NXPH2: variants seen among roughly 807,000 people sequenced by gnomAD.
The protein encoded by NXPH2 is neurexophilin 2, also known as neurexophilin-2.
A neutral mutation model predicts 19.8 loss-of-function variants in NXPH2; 5 were observed. The observed-to-expected ratio is 0.25, with a 90% CI of 0.13 to 0.53. The LOEUF (loss-of-function observed/expected upper bound fraction) is 0.53. NXPH2 is among the 20% of genes least tolerant of loss of function. NXPH2 has a pLI of 0.96. For synonymous variants in NXPH2, 154 were observed against 127.4 expected, an observed-to-expected ratio of 1.21 and a Z score of -1.41; for missense variants, 289 against 322.8, an observed-to-expected ratio of 0.90 and a Z score of 0.80.
chr2:138,674,488 G>A (rs1376182730), intron 1 of NXPH2, among the ~76,000 whole-genome samples: 4 of 152,062 alleles, frequency 2.6e-5, no homozygotes, highest in East Asian at 1.9e-4. Flanking sequence ...GTCTTGTTAT[G>A]TTGCCCAGGC....
Position 138,777,314 on chromosome 2 carries a change from T to C in NXPH2, c.51+2877A>G, listed in dbSNP as rs184704543. 3.9e-4 allele frequency among the ~76,000 whole-genome samples: 59 copies of C among 152,200 alleles called. 1 individual carries two copies. Among genetic ancestry groups the C allele is most frequent in the Non-Finnish European group, 3.2e-4 (22 of 67,970 alleles). ...TCTTAATATTCTTTATAAGAGTATG[T>C]TGCTGAATAAGAATTTTTAAAAAAG... On this transcript the variant is annotated intron_variant, in intron 1 of 1. Coordinates refer to ENST00000272641, the MANE Select transcript of NXPH2 (RefSeq NM_007226.3).
At chr2:138,740,547 C>T (rs1263065326) in intron 1 of NXPH2, among the ~76,000 whole-genome samples, 1 of 152,096 alleles carries the variant, frequency 6.6e-6, no homozygotes, top group Non-Finnish European at 1.5e-5. Context: ...CTAAGCCAAT[C>T]ACATCAGAAT....
chr2:138,726,253 CAGGCTGGTCTTGA>C (rs1213394299), intron 1 of NXPH2, among the ~76,000 whole-genome samples: 4 of 152,110 alleles, frequency 2.6e-5, no homozygotes, highest in African/African-American at 9.7e-5. Context: ...CCACGTTGGC[CAGGCTGGTCTTGA>C]ACTCCTGACC....
chr2:138,717,002 A>AAG (rs1681204967), intron 1 of NXPH2, among the ~76,000 whole-genome samples: 1 of 152,176 alleles, frequency 6.6e-6, no homozygotes, highest in Non-Finnish European at 1.5e-5. Flanking sequence ...GATGGATAAG[A>AAG]TTATTCACTA....
At chr2:138,712,162 TG>T (rs1422967340) in intron 1 of NXPH2, among the ~76,000 whole-genome samples, 1 of 152,176 alleles carries the variant, frequency 6.6e-6, no homozygotes, top group East Asian at 1.9e-4. Context: ...TGTGTGCACG[TG>T]CATCGCAGAA....
chr2:138,779,596 A>G (rs1340449713), intron 1 of NXPH2, among the ~76,000 whole-genome samples: 2 of 152,172 alleles, frequency 1.3e-5, no homozygotes, highest in Admixed American at 6.5e-5. Context: ...TTGTGTCCCC[A>G]GCTGGCAGAA....
chr2:138,693,365 T>C (rs1573956455), intron 1 of NXPH2, among the ~76,000 whole-genome samples: 1 of 152,142 alleles, frequency 6.6e-6, no homozygotes, highest in South Asian at 2.1e-4. Context: ...AGTAGGCTGG[T>C]TTGGGTATGG....
intron 1 of NXPH2, among the ~76,000 whole-genome samples, chr2:138,740,592 A>G (rs1362836162): frequency 6.6e-6 from 1 of 152,180 alleles, no homozygotes; most frequent in Non-Finnish European, 1.5e-5. Flanking sequence ...TCTTTTTAAT[A>G]AACAGAGTTA....
chr2:138,756,854 T>C (rs1042057864), intron 1 of NXPH2, among the ~76,000 whole-genome samples: 3 of 152,168 alleles, frequency 2.0e-5, no homozygotes, highest in Non-Finnish European at 4.4e-5. Context: ...TATTAAATTA[T>C]AGCCTTAATT....
chr2:138,704,891 C>A lies in NXPH2; in HGVS notation c.52-33226G>T, dbSNP rs112404604. Among the ~76,000 whole-genome samples the A allele has an allele frequency of 3.6e-3, 535 of 149,980 alleles. 3 individuals carry two copies. The highest frequency in any genetic ancestry group is 8.9e-3 in the African/African-American group (363 of 40,650). ...TCAGGCTGGAGTGCAATGGCACAAT[C>A]TTGGCTCACTGCAACCTCTGCCTCC... On this transcript the variant is annotated intron_variant, in intron 1 of 1. Transcript: ENST00000272641.
chr2:138,725,808 A>ATGCTCCC (rs1681347350), intron 1 of NXPH2, among the ~76,000 whole-genome samples: 1 of 152,208 alleles, frequency 6.6e-6, no homozygotes, highest in East Asian at 1.9e-4. Flanking sequence ...TGCATAAAAA[A>ATGCTCCC]TCCATTTACT....
intron 1 of NXPH2, among the ~76,000 whole-genome samples, chr2:138,699,392 A>C (rs1198466026): frequency 1.3e-5 from 2 of 152,120 alleles, no homozygotes; most frequent in East Asian, 3.9e-4. Flanking sequence ...AAAAGAGAGA[A>C]AGTAAAGAAA....
chr2:138,671,557 T>G lies in NXPH2; in HGVS notation c.160A>C (p.Ser54Arg), dbSNP rs1680415905. Reference protein sequence around the residue: ...VGNVVHSRIISPLRLFVKQSP... With the variant: ...VGNVVHSRIIRPLRLFVKQSP... ...TGTTTAACAAACAGGCGCAGGGGAC[T>G]GATGATCCTTGAGTGCACCACGTTG... is the stretch of plus-strand genomic sequence containing the variant. Residue 54 changes from serine (S) to arginine (R), a missense_variant, in exon 2 of 2, where the codon AGT becomes CGT. Physicochemically the swap from Ser to Arg is moderately radical, Grantham distance 110. Coordinates refer to ENST00000272641, the MANE Select transcript of NXPH2 (RefSeq NM_007226.3). 6 of 1,613,864 alleles carry G rather than the reference T, an allele frequency of 3.7e-6. No individual in the cohort carries two copies. Among genetic ancestry groups the G allele is most frequent in the Non-Finnish European group, 4.2e-6 (5 of 1,179,870 alleles).
At chr2:138,705,958 C>CCCAT (rs1371519616) in intron 1 of NXPH2, among the ~76,000 whole-genome samples, 1 of 152,098 alleles carries the variant, frequency 6.6e-6, no homozygotes, top group East Asian at 1.9e-4. Context: ...CTTCATATTC[C>CCCAT]CCATAAAAAT....
intron 1 of NXPH2, among the ~76,000 whole-genome samples, chr2:138,753,884 A>G (rs781127959): frequency 4.6e-5 from 7 of 152,196 alleles, no homozygotes; most frequent in Non-Finnish European, 8.8e-5. Flanking sequence ...CAGTGCTTAT[A>G]TACAGTTTCT....
chr2:138,770,740 T>C (rs996373572), intron 1 of NXPH2, among the ~76,000 whole-genome samples: 1 of 152,044 alleles, frequency 6.6e-6, no homozygotes, highest in South Asian at 2.1e-4. Context: ...CCTAATAATG[T>C]ACCAGATATT....
rs140540620 is a variant in NXPH2 at position 138,731,611 on chromosome 2, G to A, written c.51+48580C>T. Among the ~76,000 whole-genome samples the A allele has an allele frequency of 2.7e-3, 411 of 152,220 alleles. 1 individual carries two copies. The highest frequency in any genetic ancestry group is 9.3e-3 in the African/African-American group (387 of 41,524). ...CAAGTTCACCAGGAAATACCATGCTGAGCTTTAATCTGTGAACACTCAAGA... is the reference window on the plus strand; with the variant it reads ...CAAGTTCACCAGGAAATACCATGCTAAGCTTTAATCTGTGAACACTCAAGA... On this transcript the variant is annotated intron_variant, in intron 1 of 1. Coordinates refer to ENST00000272641, the MANE Select transcript of NXPH2 (RefSeq NM_007226.3).
intron 1 of NXPH2, among the ~76,000 whole-genome samples, chr2:138,696,339 T>C (rs931017295): frequency 3.9e-5 from 6 of 152,214 alleles, no homozygotes; most frequent in African/African-American, 1.4e-4. Flanking sequence ...CAGCTTGTTA[T>C]CTGACAAAGG....
chr2:138,735,827 C>T (rs1681530206), intron 1 of NXPH2, among the ~76,000 whole-genome samples: 1 of 152,194 alleles, frequency 6.6e-6, no homozygotes, highest in African/African-American at 2.4e-5. Context: ...ATGGGGGGTA[C>T]AGGCATTGGG....
Sources: gnomAD v4.1 joint callset for allele counts (sites outside exome capture counted in the v4.1 genomes callset) on GRCh38, gnomAD v4.1.1 for gene constraint, MANE v1.5 for transcripts, NCBI Gene and HGNC (gene_info 2026-07-23, HGNC 2026-07-21) for gene names.